HSPA8: variants seen among roughly 807,000 people sequenced by gnomAD.
HSPA8 encodes the protein heat shock protein family A (Hsp70) member 8, also known as heat shock cognate 71 kDa protein.
HSPA8 carries 2 observed loss-of-function variants against 52.8 expected under a neutral mutation model. That is an observed-to-expected ratio of 0.04 (90% confidence interval 0.02 to 0.12). The LOEUF is 0.12. HSPA8 is among the 10% of genes least tolerant of loss of function. The pLI is 1.00. For synonymous variants in HSPA8, 436 were observed against 274.0 expected (o/e 1.59, Z -5.84); for missense variants, 349 against 800.5 (o/e 0.44, Z 6.81).
chr11:123,061,453 T>C, intron 1 of HSPA8, 124 bp from the exon 2 acceptor site: 2 of 747,070 alleles, frequency 2.7e-6, no homozygotes, highest in Non-Finnish European at 4.5e-6. Flanking sequence ...GCCCATCACC[T>C]CCTGTCTAAG....
chr11:123,058,789 C>G lies in HSPA8; in HGVS notation c.1365G>C (p.Leu455=), dbSNP rs751387334. 2 of 1,614,152 alleles carry G rather than the reference C, an allele frequency of 1.2e-6. No individual in the cohort carries two copies. Among genetic ancestry groups the G allele is most frequent in the East Asian group, 2.2e-5 (1 of 44,880 alleles). The change falls in exon 7 of 9, where the codon CTG becomes CTC. Residue 455 remains leucine (L), a synonymous_variant. Coordinates refer to ENST00000534624, the MANE Select transcript of HSPA8 (RefSeq NM_006597.6). ...TGCCTGTGAGTTCAAACTTGCCAAG[C>G]AGGTTGTTATCCTTTGTCATGGCAC... ...GERAMTKDNN[L]LGKFELTGIP... is the part of the protein sequence containing the mutation.
intron 1 of HSPA8, 160 bp from the exon 2 acceptor site, chr11:123,061,489 T>G (rs1865500294): frequency 1.6e-6 from 1 of 633,018 alleles, no homozygotes; most frequent in Non-Finnish European, 2.8e-6. Flanking sequence ...GAACTAGTGC[T>G]GCAGTCCAGG....
rs765204439 is a variant in HSPA8, at chr11:123,059,866, C to A, written c.727G>T (p.Ala243Ser). The A allele has an allele frequency of 1.9e-6, 3 of 1,613,380 alleles. No individual in the cohort carries two copies. The highest frequency in any genetic ancestry group is 2.5e-6 in the Non-Finnish European group (3 of 1,179,884). The change falls in exon 5 of 9, where the codon GCT becomes TCT. Residue 243 changes from alanine to serine, a missense_variant. Ala to Ser is a moderately conservative substitution (Grantham distance 99). Transcript: ENST00000534624. ...TTCTTATGCTTGCGCTTAAACTCAGCAATAAAATGGTTGACCATTCGGTTG... is the reference window on the plus strand; with the variant it reads ...TTCTTATGCTTGCGCTTAAACTCAGAAATAAAATGGTTGACCATTCGGTTG... ...FDNRMVNHFI[A>S]EFKRKHKKDI...
chr11:123,057,846 A>C lies in HSPA8; in HGVS notation c.1829T>G (p.Leu610Arg), dbSNP rs781388678. 1 of 1,613,712 alleles carries C rather than the reference A, an allele frequency of 6.2e-7. No homozygotes were observed. Among genetic ancestry groups the C allele is most frequent in the South Asian group, 1.1e-5 (1 of 91,044 alleles). ...TGGCATGCCTCCTGCACTCTGGTAC[A>C]GCTTGGTGATGATGGGGTTGCAAAC... ...EKVCNPIITKLYQSAGGMPGG... is the reference protein window; with the variant it reads ...EKVCNPIITKRYQSAGGMPGG... The change falls in exon 9 of 9, where the codon CTG (leucine) becomes CGG (arginine). Residue 610 changes from leucine to arginine, a missense_variant. Transcript: ENST00000534624.
Position 123,058,934 on chromosome 11 carries a change from T to C in HSPA8, c.1324-104A>G, listed in dbSNP as rs1162068600. 4 of 1,395,018 alleles carry C rather than the reference T, an allele frequency of 2.9e-6. No individual in the cohort carries two copies. In the East Asian group the frequency reaches 9.2e-5, roughly 32 times the overall value. The allele number at this position is 1,395,018 out of a possible 1,614,324, so 86.4% of individuals were successfully genotyped here. ...TCGCTCAAACATCCAAGGAAGGAACTGGCCAACATAAGACTTTCTGGTGGA... is the reference window on the plus strand; with the variant it reads ...TCGCTCAAACATCCAAGGAAGGAACCGGCCAACATAAGACTTTCTGGTGGA... On this transcript the variant is annotated intron_variant, in intron 6 of 8. Coordinates refer to ENST00000534624, the MANE Select transcript of HSPA8 (RefSeq NM_006597.6).
chr11:123,061,435 G>C, intron 1 of HSPA8, 106 bp from the exon 2 acceptor site: 1 of 835,946 alleles, frequency 1.2e-6, no homozygotes, highest in Non-Finnish European at 1.9e-6. Context: ...CTGCCAAGAG[G>C]TAATAGTGCC....
chr11:123,058,071 C>T (rs1865363144), intron 8 of HSPA8, 152 bp from the exon 9 acceptor site: 1 of 728,966 alleles, frequency 1.4e-6, no homozygotes, highest in Non-Finnish European at 2.3e-6. Flanking sequence ...TCCTTAACAT[C>T]TTGGGTCACT....
chr11:123,060,332 A>G, intron 3 of HSPA8, 64 bp from the exon 4 acceptor site: 2 of 1,464,428 alleles, frequency 1.4e-6, no homozygotes, highest in Non-Finnish European at 1.9e-6. Flanking sequence ...AAACTCCAGC[A>G]AATGGATTAA....
intron 6 of HSPA8, 23 bp downstream of exon 6, chr11:123,059,036 A>T (rs1865410035): frequency 6.3e-7 from 1 of 1,599,056 alleles, no homozygotes; most frequent in Non-Finnish European, 8.6e-7. Context: ...AGTAAGCCAA[A>T]CAAGAGAAGT....
In HSPA8 at chr11:123,058,619, A is replaced by T. The variant is rs765230787; in HGVS notation, c.1522+13T>A. 1.2e-5 allele frequency: 19 copies of T among 1,608,030 alleles called. No homozygotes were observed. In the Admixed American group the frequency reaches 3.0e-4, roughly 25 times the overall value. On this transcript the variant is annotated intron_variant, in intron 7 of 8. Transcript: ENST00000534624. ...ATTATCCCTGTCAAGACCAGATGAC[A>T]GTGCCTCCTTACCCTTGTCATTAGT...
chr11:123,059,443 C>CTAA (rs1354850255), intron 5 of HSPA8, 30 bp downstream of exon 5: 1 of 1,583,992 alleles, frequency 6.3e-7, no homozygotes, highest in Non-Finnish European at 8.6e-7. Flanking sequence ...GCCTGCCTGC[C>CTAA]TTTAGGGTTA....
chr11:123,061,159 T>C lies in HSPA8; in HGVS notation c.166A>G (p.Lys56Glu). The change falls in exon 2 of 9, where the codon AAG (lysine) becomes GAG (glutamate). Residue 56 changes from lysine to glutamate, a missense_variant. Lys to Glu is a moderately conservative substitution (Grantham distance 56, BLOSUM62 1). Transcript: ENST00000534624. ...GTGGGGTTCATTGCAACTTGATTCT[T>C]TGCGGCATCACCGATCAACCGTTCA... ...DTERLIGDAA[K>E]NQVAMNPTNT... 6.2e-7 allele frequency: 1 copy of C among 1,613,950 alleles called. No homozygotes were observed. The highest frequency in any genetic ancestry group is 8.5e-7 in the Non-Finnish European group (1 of 1,179,866).
At position 123,060,429 on chromosome 11, in the gene HSPA8, A is replaced by G. The variant is rs1428446595; in HGVS notation, c.412-161T>C. 4 of 922,344 alleles carry G rather than the reference A, an allele frequency of 4.3e-6. No individual in the cohort carries two copies. The African/African-American group carries it at 6.7e-5, about 15-fold the overall frequency. The allele number at this position is 922,344 out of a possible 1,614,324, so 57.1% of individuals were successfully genotyped here. A position where few individuals can be genotyped will look rare whatever the true frequency, so the allele number is the denominator to read the frequency against. ...CAAGATTCACTGGTTTCTGGTGTTG[A>G]CAGACCCATCTACCTAGAGAGCCTA... On this transcript the variant is annotated intron_variant, in intron 3 of 8. Transcript: ENST00000534624.
At chr11:123,062,435 G>A (rs550932198), upstream of HSPA8, 685 of 152,430 alleles carry the variant, frequency 4.5e-3, no homozygotes, top group Admixed American at 7.7e-3. Flanking sequence ...CCGCGCGCGG[G>A]AGTCCTCAGT....
In HSPA8 at chr11:123,058,329, C is replaced by T. The variant is rs1865380109; in HGVS notation, c.1678G>A (p.Gly560Ser). 1 of 1,613,356 alleles carries T rather than the reference C, an allele frequency of 6.2e-7. No homozygotes were observed. Among genetic ancestry groups the T allele is most frequent in the South Asian group, 1.1e-5 (1 of 91,060 alleles). The change falls in exon 8 of 9, where the codon GGC becomes AGC. Residue 560 changes from glycine to serine, a missense_variant. Gly to Ser is a moderately conservative substitution (Grantham distance 56, BLOSUM62 0). Coordinates refer to ENST00000534624, the MANE Select transcript of HSPA8 (RefSeq NM_006597.6). ...KATVEDEKLQ[G>S]KINDEDKQKI... ...TGTTTGTCCTCATCGTTAATCTTGC[C>T]TTGAAGTTTCTCATCTTCAACAGTT...
rs767386032 is a variant in HSPA8, at chr11:123,060,818, A to G, written c.206-20T>C. ...TGGCATCTGTAAAAGGTGTCAAATG[A>G]AAACACTTTCAATTTCATAGCTCTT... is the stretch of plus-strand genomic sequence containing the variant. On this transcript the variant is annotated intron_variant, in intron 2 of 8. Coordinates refer to ENST00000534624, the MANE Select transcript of HSPA8 (RefSeq NM_006597.6). 2 of 1,592,226 alleles carry G rather than the reference A, an allele frequency of 1.3e-6. No homozygotes were observed. The highest frequency in any genetic ancestry group is 1.7e-4 in the Middle Eastern group (1 of 5,976).
Position 123,057,558 on chromosome 11 carries a change from A to G in HSPA8, c.*176T>C, listed in dbSNP as rs922552371. On this transcript the variant is annotated 3_prime_UTR_variant, in exon 9 of 9. Transcript: ENST00000534624. ...TTTCCACTTACAATACAGTGTTTAT[A>G]AAGTGCAATGTTATTTCCTTCCCCT... The G allele has an allele frequency of 7.4e-6, 4 of 539,402 alleles. No individual in the cohort carries two copies. The highest frequency in any genetic ancestry group is 2.6e-5 in the South Asian group (1 of 38,786). The allele number at this position is 539,402 out of a possible 1,614,324, so 33.4% of individuals were successfully genotyped here. A position where few individuals can be genotyped will look rare whatever the true frequency, so the allele number is the denominator to read the frequency against.
At position 123,058,307 on chromosome 11, in the gene HSPA8, T is replaced by C. The variant is rs1865379310; in HGVS notation, c.1700A>G (p.Lys567Arg). ...ATTACACTTGTCCAGAATCTTCTGT[T>C]TGTCCTCATCGTTAATCTTGCCTTG... ...KLQGKINDED[K>R]QKILDKCNEI... Residue 567 changes from lysine (K) to arginine (R), a missense_variant, in exon 8 of 9, where the codon AAA becomes AGA. Transcript: ENST00000534624. 1.2e-6 allele frequency: 2 copies of C among 1,613,632 alleles called. No homozygotes were observed. Among genetic ancestry groups the C allele is most frequent in the Non-Finnish European group, 1.7e-6 (2 of 1,179,592 alleles).
Position 123,061,338 on chromosome 11 carries a change from A to T in HSPA8, c.-5-9T>A. Reference sequence around the variant, plus strand: ...TCCCTTGGACATGGTTGCTGAAAAAAAGAAAAATCTGGTTTAAAAATTCAA... The same window carrying T: ...TCCCTTGGACATGGTTGCTGAAAAATAGAAAAATCTGGTTTAAAAATTCAA... On this transcript the variant is annotated splice_polypyrimidine_tract_variant and intron_variant, in intron 1 of 8. Transcript: ENST00000534624. 2 of 1,603,478 alleles carry T rather than the reference A, an allele frequency of 1.2e-6. No individual in the cohort carries two copies. The highest frequency in any genetic ancestry group is 8.5e-7 in the Non-Finnish European group (1 of 1,171,108).
Sources: allele counts gnomAD v4.1 joint callset, GRCh38; gene constraint gnomAD v4.1.1; transcripts MANE v1.5; gene names NCBI Gene and HGNC (gene_info 2026-07-23, HGNC 2026-07-21).